The following SGCD variants were observed in gnomAD, a reference collection of about 807,000 sequenced individuals.
SGCD encodes delta-sarcoglycan.
In SGCD, 18 loss-of-function variants were observed where a neutral mutation model predicts 36.6. The observed-to-expected ratio is 0.49, with a 90% CI of 0.34 to 0.73. The LOEUF (loss-of-function observed/expected upper bound fraction) is 0.73. Among genes scored for constraint, SGCD ranks in the 30% least tolerant of loss-of-function variants. The pLI is 0.01. For missense variants in SGCD, 387 were observed against 346.7 expected (o/e 1.12, Z -0.92); for synonymous variants, 133 against 130.6 (o/e 1.02, Z -0.12).
At chr5:156,639,032 A>G (rs894006031) in intron 6 of SGCD, among the ~76,000 whole-genome samples, 4 of 151,324 alleles carry the variant, frequency 2.6e-5, no homozygotes, top group African/African-American at 9.8e-5. Flanking sequence ...CTTCATCACT[A>G]TCTTTTATCA....
chr5:156,495,399 T>C (rs187897215), intron 3 of SGCD, among the ~76,000 whole-genome samples: 4 of 152,284 alleles, frequency 2.6e-5, no homozygotes, highest in Non-Finnish European at 5.9e-5. Flanking sequence ...AACTTATCCC[T>C]GGAAACCTTT....
upstream of SGCD, among the ~76,000 whole-genome samples, chr5:155,868,616 G>A (rs995812817): frequency 2.6e-5 from 4 of 151,960 alleles, no homozygotes; most frequent in Non-Finnish European, 4.4e-5. Context: ...AGGAAATGAA[G>A]GGATCTAGCA....
chr5:156,013,778 T>C (rs752908112), intron 1 of SGCD, among the ~76,000 whole-genome samples: 46 of 152,182 alleles, frequency 3.0e-4, no homozygotes, highest in Non-Finnish European at 6.6e-4. Flanking sequence ...ATTTTATTTA[T>C]GGTATTTTTT....
At chr5:155,932,035 C>T (rs959768017) in intron 1 of SGCD, among the ~76,000 whole-genome samples, 3 of 152,156 alleles carry the variant, frequency 2.0e-5, no homozygotes, top group Non-Finnish European at 4.4e-5. Flanking sequence ...AATGAAGTCT[C>T]CACCCTCATG....
At chr5:156,434,554 G>A (rs370178113) in intron 3 of SGCD, among the ~76,000 whole-genome samples, 4 of 152,308 alleles carry the variant, frequency 2.6e-5, no homozygotes, top group African/African-American at 9.6e-5. Flanking sequence ...AACCCGGCCA[G>A]CGATGCTGAT....
intron 1 of SGCD, among the ~76,000 whole-genome samples, chr5:155,875,065 A>C (rs1173878244): frequency 3.9e-5 from 6 of 152,182 alleles, no homozygotes; most frequent in African/African-American, 1.4e-4. Flanking sequence ...ACACAATGGA[A>C]AACTGCTTGG....
intron 2 of SGCD, among the ~76,000 whole-genome samples, chr5:156,119,947 C>T (rs1201068305): frequency 1.3e-5 from 2 of 152,188 alleles, no homozygotes; most frequent in African/African-American, 4.8e-5. Flanking sequence ...GAGATGCCAC[C>T]TACCTCTATG....
intron 3 of SGCD, among the ~76,000 whole-genome samples, chr5:156,156,427 G>A (rs187274425): frequency 5.9e-5 from 9 of 151,636 alleles, no homozygotes; most frequent in Non-Finnish European, 8.8e-5. Flanking sequence ...TCAGGAATTC[G>A]AGATCAGCCT....
chr5:156,341,787 T>A (rs930060734), intron 2 of SGCD, among the ~76,000 whole-genome samples: 1 of 152,252 alleles, frequency 6.6e-6, no homozygotes. Flanking sequence ...CTTGGCTCAC[T>A]GCAACCTCCG....
At chr5:156,532,435 G>A (rs1258225387) in intron 4 of SGCD, among the ~76,000 whole-genome samples, 3 of 152,016 alleles carry the variant, frequency 2.0e-5, no homozygotes, top group Non-Finnish European at 4.4e-5. Flanking sequence ...CAGATACAGT[G>A]CTAATGTAAA....
intron 3 of SGCD, among the ~76,000 whole-genome samples, chr5:156,359,308 T>A (rs754232829): frequency 4.6e-5 from 7 of 152,234 alleles, no homozygotes; most frequent in Non-Finnish European, 8.8e-5. Context: ...TATATCAACA[T>A]TGACCTCAGG....
At chr5:156,467,137 A>G (rs1467291055) in intron 3 of SGCD, among the ~76,000 whole-genome samples, 1 of 152,216 alleles carries the variant, frequency 6.6e-6, no homozygotes, top group Admixed American at 6.6e-5. Flanking sequence ...CTGTGTTCCA[A>G]TAAAACTTTA....
chr5:155,749,963 T>C, the SGCD span, among the ~76,000 whole-genome samples: 1 of 152,368 alleles, frequency 6.6e-6, no homozygotes, highest in South Asian at 2.1e-4. Context: ...TTTGCTTTTG[T>C]TGAAGCTGTA....
intron 6 of SGCD, 86 bp from the exon 7 acceptor site, chr5:156,647,378 C>G: frequency 2.4e-6 from 2 of 838,560 alleles, no homozygotes; most frequent in Non-Finnish European, 3.9e-6. Context: ...GGATTCGCTG[C>G]ATTTAGCTCC....
At chr5:156,061,919 C>CTTTTTTTTT (rs757769130) in intron 1 of SGCD, among the ~76,000 whole-genome samples, 24 of 71,756 alleles carry the variant, frequency 3.3e-4, no homozygotes, top group Non-Finnish European at 4.8e-4. Flanking sequence ...GGAGTTTTCA[C>CTTTTTTTTT]TTTTTTTTTT....
Position 156,350,247 on chromosome 5 carries a change from T to TTATATATATATATA in SGCD, c.192+5574_192+5587dup, listed in dbSNP as rs59107352. 4.6e-3 allele frequency among the ~76,000 whole-genome samples: 441 copies of TTATATATATATATA among 95,832 alleles called. 55 individuals carry two copies. The highest frequency in any genetic ancestry group is 0.02 in the East Asian group (50 of 2,448). The allele number at this position is 95,832 out of a possible 152,430, so 62.9% of individuals were successfully genotyped here. ...CTCTAAAGCTATTGAGGAAAAAAAATTATATATATATATATATGTACACAC... is the reference window on the plus strand; with the variant it reads ...CTCTAAAGCTATTGAGGAAAAAAAATTATATATATATATATATATATATATATATATGTACACAC... On this transcript the variant is annotated intron_variant, in intron 3 of 8. Transcript: ENST00000337851.
intron 1 of SGCD, among the ~76,000 whole-genome samples, chr5:156,113,120 A>G (rs893038934): frequency 4.6e-5 from 7 of 152,196 alleles, no homozygotes; most frequent in African/African-American, 1.4e-4. Context: ...CGGTGAGCCC[A>G]TGCCCCAGAG....
intron 6 of SGCD, among the ~76,000 whole-genome samples, chr5:156,629,498 T>G (rs1762552248): frequency 6.6e-6 from 1 of 152,242 alleles, no homozygotes; most frequent in Admixed American, 6.5e-5. Context: ...TGTCATCAGA[T>G]GTAAACAAGT....
chr5:156,391,735 C>A (rs997508728), intron 3 of SGCD, among the ~76,000 whole-genome samples: 2 of 152,176 alleles, frequency 1.3e-5, no homozygotes, highest in African/African-American at 4.8e-5. Flanking sequence ...CAATCTGCTG[C>A]AGATACTAAG....
Sources: allele counts gnomAD v4.1 joint callset (sites outside exome capture counted in the v4.1 genomes callset), GRCh38; gene constraint gnomAD v4.1.1; transcripts MANE v1.5; gene names NCBI Gene and HGNC (gene_info 2026-07-23, HGNC 2026-07-21).